Variants in LPAR6 observed in about 807,000 individuals in gnomAD.
LPAR6 encodes G-protein coupled purinergic receptor P2Y5.
A neutral mutation model predicts 22.0 loss-of-function variants in LPAR6; 17 were observed. The ratio of observed to expected loss-of-function variants is 0.77; its 90% CI spans 0.53 to 1.16. LPAR6 has a LOEUF of 1.16. LPAR6 is among the 50% of genes most tolerant of loss of function. The pLI, the probability that LPAR6 is intolerant of heterozygous loss-of-function variation, is 0.00. For synonymous variants in LPAR6, 136 were observed against 139.8 expected (o/e 0.97, Z 0.19); for missense variants, 384 against 406.9 (o/e 0.94, Z 0.48).
chr13:48,441,256 C>T (rs1443526996), intron 1 of LPAR6, among the ~76,000 whole-genome samples: 1 of 152,018 alleles, frequency 6.6e-6, no homozygotes, highest in Non-Finnish European at 1.5e-5. Flanking sequence ...CTCTGGGGTC[C>T]CTTTTATAAG....
Position 48,411,674 on chromosome 13 carries a change from A to G in LPAR6, c.750T>C (p.Ile250=), listed in dbSNP as rs745885749. Residue 250 remains isoleucine, a synonymous_variant, in exon 1 of 1, where the codon ATT becomes ATC. Coordinates refer to ENST00000620633, the MANE Select transcript of LPAR6 (RefSeq NM_001162498.3). ...TTTGTGTTCTCACAAGAGAATATAA[A>G]ATAAGATTGATATTGTAAGGAACAA... ...FCFVPYNINL[I]LYSLVRTQTF... is the part of the protein sequence containing the mutation. 9 of 1,610,890 alleles carry G rather than the reference A, an allele frequency of 5.6e-6. No individual in the cohort carries two copies. The South Asian group carries it at 8.8e-5, about 16-fold the overall frequency.
At chr13:48,395,626 A>G (rs1948641925) in intron 1 of LPAR6, among the ~76,000 whole-genome samples, 1 of 152,112 alleles carries the variant, frequency 6.6e-6, no homozygotes, top group African/African-American at 2.4e-5. Context: ...GAAAAAAAGG[A>G]TATCAGAGAT....
At chr13:48,434,762 G>C (rs189340411) in intron 1 of LPAR6, among the ~76,000 whole-genome samples, 65 of 152,238 alleles carry the variant, frequency 4.3e-4, no homozygotes, top group African/African-American at 1.5e-3. Context: ...CCTGGCCACT[G>C]CTAATCTGCC....
upstream of LPAR6, among the ~76,000 whole-genome samples, chr13:48,413,963 T>C (rs1948862993): frequency 6.6e-6 from 1 of 152,208 alleles, no homozygotes; most frequent in African/African-American, 2.4e-5. Flanking sequence ...AACCCCTTAA[T>C]ATGACATTAA....
chr13:48,407,988 C>T (rs1010452180), downstream of LPAR6, among the ~76,000 whole-genome samples: 1 of 151,996 alleles, frequency 6.6e-6, no homozygotes, highest in Non-Finnish European at 1.5e-5. Flanking sequence ...CTTGGTTCAT[C>T]AGGTGTCCAA....
intron 1 of LPAR6, among the ~76,000 whole-genome samples, chr13:48,423,277 T>C (rs1949032433): frequency 6.6e-6 from 1 of 152,186 alleles, no homozygotes; most frequent in African/African-American, 2.4e-5. Context: ...GTTTTTGTTT[T>C]TGTTTTTGTG....
chr13:48,402,371 TAGAAAACC>T (rs1948699707), intron 1 of LPAR6, among the ~76,000 whole-genome samples: 1 of 126,476 alleles, frequency 7.9e-6, no homozygotes, highest in African/African-American at 2.8e-5. Flanking sequence ...AAATCCCTTG[TAGAAAACC>T]TTTTTTTTTT....
intron 1 of LPAR6, among the ~76,000 whole-genome samples, chr13:48,432,086 A>T (rs1340397003): frequency 1.3e-5 from 2 of 152,116 alleles, no homozygotes; most frequent in Non-Finnish European, 2.9e-5. Context: ...ATTTAGGAGG[A>T]AAAAGGGGGT....
intron 1 of LPAR6, among the ~76,000 whole-genome samples, chr13:48,432,709 G>A (rs950303608): frequency 1.3e-5 from 2 of 151,886 alleles, no homozygotes; most frequent in Non-Finnish European, 2.9e-5. Context: ...CTTGACTTCT[G>A]TCAATTATTT....
At chr13:48,427,065 C>A (rs982866543), upstream of LPAR6, among the ~76,000 whole-genome samples, 1 of 152,242 alleles carries the variant, frequency 6.6e-6, no homozygotes, top group Non-Finnish European at 1.5e-5. Flanking sequence ...TCGGTTATCA[C>A]CAAGGGGGTG....
upstream of LPAR6, among the ~76,000 whole-genome samples, chr13:48,414,615 AT>A (rs1340523149): frequency 2.0e-5 from 3 of 152,054 alleles, no homozygotes; most frequent in Admixed American, 2.0e-4. Context: ...AGAACAATTT[AT>A]TTTTTTCTCA....
At position 48,412,038 on chromosome 13, in the gene LPAR6, G is replaced by C. The variant is rs1948818512; in HGVS notation, c.386C>G (p.Thr129Ser). 1 of 1,613,314 alleles carries C rather than the reference G, an allele frequency of 6.2e-7. No individual in the cohort carries two copies. The highest frequency in any genetic ancestry group is 8.5e-7 in the Non-Finnish European group (1 of 1,179,680). Residue 129 changes from threonine to serine, a missense_variant, in exon 1 of 1, where the codon ACC becomes AGC. Physicochemically the swap from Thr to Ser is moderately conservative, Grantham distance 58. Coordinates refer to ENST00000620633, the MANE Select transcript of LPAR6 (RefSeq NM_001162498.3). ...GCAAACAATCTTTGCATTTCTTTTG[G>C]TTCTTAGAGTCTTTGACTTAAATGG... ...VYPFKSKTLR[T>S]KRNAKIVCTG...
chr13:48,400,712 G>C (rs1391973662), intron 1 of LPAR6, among the ~76,000 whole-genome samples: 2 of 152,040 alleles, frequency 1.3e-5, no homozygotes, highest in Non-Finnish European at 2.9e-5. Context: ...TGTATCTCAG[G>C]TTTCCTTGTA....
intron 2 of LPAR6, among the ~76,000 whole-genome samples, chr13:48,420,334 CA>C (rs1164701000): frequency 1.3e-5 from 2 of 152,200 alleles, no homozygotes; most frequent in African/African-American, 4.8e-5. Flanking sequence ...TGAAATTCAA[CA>C]CTGCTTCATG....
Position 48,412,282 on chromosome 13 carries a change from C to A in LPAR6, c.142G>T (p.Val48Phe). ...AIYIFICVLK[V>F]RNETTTYMIN... ...ATGTAAGTTGTAGTTTCATTTCGGA[C>A]TTTGAGGACGCAGATGAAAATGTAT... Residue 48 changes from valine to phenylalanine, a missense_variant, in exon 1 of 1, where the codon GTC becomes TTC. Physicochemically the swap from Val to Phe is conservative, Grantham distance 50. Transcript: ENST00000620633. 1 of 1,613,974 alleles carries A rather than the reference C, an allele frequency of 6.2e-7. No individual in the cohort carries two copies. Among genetic ancestry groups the A allele is most frequent in the Non-Finnish European group, 8.5e-7 (1 of 1,179,930 alleles).
intron 1 of LPAR6, among the ~76,000 whole-genome samples, chr13:48,439,195 G>A (rs1949212791): frequency 6.6e-6 from 1 of 152,110 alleles, no homozygotes; most frequent in Non-Finnish European, 1.5e-5. Flanking sequence ...ATAATATGGG[G>A]CAAAATTTAT....
chr13:48,400,442 A>T (rs1400802959), intron 1 of LPAR6, among the ~76,000 whole-genome samples: 2 of 152,004 alleles, frequency 1.3e-5, no homozygotes, highest in Non-Finnish European at 2.9e-5. Flanking sequence ...CTTTTAGTGT[A>T]TATTAGTTTA....
At chr13:48,396,483 T>A (rs866941672) in intron 1 of LPAR6, among the ~76,000 whole-genome samples, 1 of 152,132 alleles carries the variant, frequency 6.6e-6, no homozygotes, top group South Asian at 2.1e-4. Context: ...TTACACCTTA[T>A]ACAAAAATTA....
chr13:48,396,951 T>C, intron 1 of LPAR6, among the ~76,000 whole-genome samples: 1 of 152,146 alleles, frequency 6.6e-6, no homozygotes, highest in East Asian at 1.9e-4. Context: ...TGAGATACCA[T>C]CTCATGCCAG....
Sources: gnomAD v4.1 joint callset for allele counts (sites outside exome capture counted in the v4.1 genomes callset) on GRCh38, gnomAD v4.1.1 for gene constraint, MANE v1.5 for transcripts, NCBI Gene and HGNC (gene_info 2026-07-23, HGNC 2026-07-21) for gene names.